The following ROBO1 variants were observed in gnomAD, a reference collection of about 807,000 sequenced individuals.
ROBO1 encodes the protein roundabout guidance receptor 1.
Under a neutral mutation model 195.9 loss-of-function variants are expected in ROBO1, and 149 were observed. That is an observed-to-expected ratio of 0.76 (90% CI 0.67 to 0.87). The LOEUF (loss-of-function observed/expected upper bound fraction) is 0.87. Ranked by LOEUF, ROBO1 falls within the 40% of genes least tolerant of loss-of-function variation. The probability of loss-of-function intolerance (pLI) is 0.00; values close to 1 mark genes in which losing one functional copy is unlikely to be tolerated. For synonymous variants in ROBO1, 816 were observed against 733.2 expected (o/e 1.11, Z -1.82); for missense variants, 1,933 against 2,068.3 (o/e 0.93, Z 1.27).
rs544789586 is a variant in ROBO1, at chr3:78,913,615, A to G, written c.499+24986T>C. On this transcript the variant is annotated intron_variant, in intron 4 of 30. Coordinates refer to ENST00000464233, the MANE Select transcript of ROBO1 (RefSeq NM_002941.4). The stretch of plus-strand genomic sequence containing the variant: ...ATTCCAGTCCTCACAAAGGAAAATA[A>G]TAGACTGATGTTTGCAGATGTATTA... 3.5e-3 allele frequency among the ~76,000 whole-genome samples: 532 copies of G among 152,274 alleles called. 4 individuals are homozygous for G. The highest frequency in any genetic ancestry group is 4.3e-3 in the Non-Finnish European group (291 of 67,998).
Position 78,764,499 on chromosome 3 carries a change from T to A in ROBO1, c.500-17599A>T, listed in dbSNP as rs548738400. On this transcript the variant is annotated intron_variant, in intron 4 of 30. Coordinates refer to ENST00000464233, the MANE Select transcript of ROBO1 (RefSeq NM_002941.4). ...TCTGAAGCAGTTCTAGGTAAAATAT[T>A]AATGGAAAGTCTTTGGCAGCCACAA... Among the ~76,000 whole-genome samples, 3 of 152,270 alleles carry A rather than the reference T, an allele frequency of 2.0e-5. No individual in the cohort carries two copies. The South Asian group carries it at 6.2e-4, about 32-fold the overall frequency.
intron 2 of ROBO1, among the ~76,000 whole-genome samples, chr3:79,337,290 C>T (rs531544963): frequency 8.5e-5 from 13 of 152,260 alleles, no homozygotes; most frequent in African/African-American, 2.2e-4. Context: ...TGTGTTCCCA[C>T]CCACAATCTC....
rs114787040 is a variant in ROBO1 at position 78,643,377 on chromosome 3, G to A, written c.2882+2771C>T. ...CCTCTGACATAAACAAAAGATAACC[G>A]CATCACCTTATGTTACGCACTTCAT... On this transcript the variant is annotated intron_variant, in intron 21 of 30. Transcript: ENST00000464233. 8.8e-3 allele frequency among the ~76,000 whole-genome samples: 1,342 copies of A among 152,238 alleles called. 22 individuals carry two copies. Among genetic ancestry groups the A allele is most frequent in the African/African-American group, 0.031 (1,275 of 41,536 alleles).
Position 79,297,108 on chromosome 3 carries a change from A to G in ROBO1, c.89-171569T>C, listed in dbSNP as rs559483115. Among the ~76,000 whole-genome samples, 5 of 152,322 alleles carry G rather than the reference A, an allele frequency of 3.3e-5. No individual in the cohort carries two copies. In the East Asian group the frequency reaches 9.6e-4, roughly 29 times the overall value. ...CAAATACAAAATGTAGTTGGTATTC[A>G]GAAGAACCTCCTGAATTTAATTCTC... On this transcript the variant is annotated intron_variant, in intron 2 of 30. Coordinates refer to ENST00000464233, the MANE Select transcript of ROBO1 (RefSeq NM_002941.4).
intron 1 of ROBO1, among the ~76,000 whole-genome samples, chr3:79,722,269 T>G (rs1039685277): frequency 2.6e-5 from 4 of 152,240 alleles, no homozygotes; most frequent in African/African-American, 9.6e-5. Flanking sequence ...GCACTATCAA[T>G]TGACCTCTCA....
At chr3:79,733,854 T>C (rs1703259134) in intron 1 of ROBO1, among the ~76,000 whole-genome samples, 1 of 152,196 alleles carries the variant, frequency 6.6e-6, no homozygotes, top group Non-Finnish European at 1.5e-5. Context: ...TTCTCACATA[T>C]GCCAAATTCT....
At chr3:79,145,054 T>C (rs1033657517) in intron 2 of ROBO1, among the ~76,000 whole-genome samples, 2 of 152,002 alleles carry the variant, frequency 1.3e-5, no homozygotes, top group Non-Finnish European at 2.9e-5. Flanking sequence ...TATTTTTATA[T>C]ACCTTCAAAT....
intron 2 of ROBO1, among the ~76,000 whole-genome samples, chr3:79,449,141 G>A (rs1017492407): frequency 2.6e-5 from 4 of 152,068 alleles, no homozygotes; most frequent in Non-Finnish European, 5.9e-5. Context: ...TGAAGTGGGA[G>A]GCTTGCTTGA....
intron 2 of ROBO1, among the ~76,000 whole-genome samples, chr3:79,203,308 T>C (rs1012506195): frequency 2.0e-5 from 3 of 152,158 alleles, no homozygotes; most frequent in Admixed American, 2.0e-4. Context: ...TCTGGGAGCA[T>C]AAAGTGCCTG....
At chr3:79,462,841 G>C (rs926019954) in intron 2 of ROBO1, among the ~76,000 whole-genome samples, 2 of 152,006 alleles carry the variant, frequency 1.3e-5, no homozygotes, top group African/African-American at 4.8e-5. Flanking sequence ...GAAAATCTGT[G>C]GTGTATTGCC....
intron 2 of ROBO1, among the ~76,000 whole-genome samples, chr3:79,223,878 G>A (rs549876572): frequency 1.3e-5 from 2 of 152,186 alleles, no homozygotes; most frequent in African/African-American, 4.8e-5. Flanking sequence ...TCTAGTTAAA[G>A]GAACATTTTA....
intron 2 of ROBO1, among the ~76,000 whole-genome samples, chr3:79,390,562 G>T (rs996486603): frequency 6.6e-6 from 1 of 152,160 alleles, no homozygotes; most frequent in Admixed American, 6.6e-5. Flanking sequence ...GCCAAGAGAT[G>T]AATACGTTTT....
At chr3:78,899,409 T>C (rs1302597412) in intron 4 of ROBO1, among the ~76,000 whole-genome samples, 1 of 152,176 alleles carries the variant, frequency 6.6e-6, no homozygotes, top group Non-Finnish European at 1.5e-5. Flanking sequence ...TCATGGTAAA[T>C]AGTTATTTCT....
rs1236203784 is a variant in ROBO1, at chr3:78,731,591, T to C, written c.658-13708A>G. Among the ~76,000 whole-genome samples, 3 of 152,134 alleles carry C rather than the reference T, an allele frequency of 2.0e-5. No homozygotes were observed. The South Asian group carries it at 6.2e-4, about 31-fold the overall frequency. On this transcript the variant is annotated intron_variant, in intron 5 of 30. Transcript: ENST00000464233. ...TCAGAATTGTTCACAATCTAAGAGA[T>C]TGGACATACAGAATTCTTATGATTT...
intron 2 of ROBO1, among the ~76,000 whole-genome samples, chr3:79,180,557 T>G (rs2081323916): frequency 6.6e-6 from 1 of 152,204 alleles, no homozygotes; most frequent in South Asian, 2.1e-4. Context: ...GTTCAAATCT[T>G]GGCTCCACTG....
At chr3:79,141,567 G>GTT (rs11315738) in intron 2 of ROBO1, among the ~76,000 whole-genome samples, 1,497 of 139,366 alleles carry the variant, frequency 0.011, 23 homozygotes, top group African/African-American at 0.033. Flanking sequence ...TGCTGTTGTT[G>GTT]TTTTTTTTTT....
chr3:79,415,027 C>T (rs1290415271), intron 2 of ROBO1, among the ~76,000 whole-genome samples: 1 of 152,156 alleles, frequency 6.6e-6, no homozygotes, highest in Non-Finnish European at 1.5e-5. Flanking sequence ...GGTCTGAGTC[C>T]ATGGAGTTGA....
chr3:79,622,736 GC>G (rs1479100499), intron 1 of ROBO1, among the ~76,000 whole-genome samples: 1 of 152,180 alleles, frequency 6.6e-6, no homozygotes, highest in Non-Finnish European at 1.5e-5. Context: ...AGCTTTTCCT[GC>G]TGGTAGTTCT....
chr3:79,485,718 A>C (rs952900033), intron 2 of ROBO1, among the ~76,000 whole-genome samples: 1 of 152,218 alleles, frequency 6.6e-6, no homozygotes, highest in Non-Finnish European at 1.5e-5. Flanking sequence ...TGTTCTACTC[A>C]GGGGCCAACT....
Sources: allele counts gnomAD v4.1 joint callset (sites outside exome capture counted in the v4.1 genomes callset), GRCh38; gene constraint gnomAD v4.1.1; transcripts MANE v1.5; gene names NCBI Gene and HGNC (gene_info 2026-07-23, HGNC 2026-07-21).